The following SLC25A36 variants were observed in gnomAD, a reference collection of about 807,000 sequenced individuals.
SLC25A36 encodes epididymis secretory sperm binding protein.
SLC25A36 carries 24 observed loss-of-function variants against 35.3 expected under a neutral mutation model. The ratio of observed to expected loss-of-function variants is 0.68; its 90% CI spans 0.49 to 0.96. The LOEUF (loss-of-function observed/expected upper bound fraction) is 0.96, where lower values mean the gene tolerates loss of function less well. Among genes scored for constraint, SLC25A36 ranks in the 40% least tolerant of loss-of-function variants. SLC25A36 has a pLI of 0.00. For synonymous variants in SLC25A36, 141 were observed against 132.2 expected (o/e 1.07, Z -0.46); for missense variants, 294 against 381.1 (o/e 0.77, Z 1.90).
At chr3:140,956,744 C>T in intron 2 of SLC25A36, 53 bp downstream of exon 2, 1 of 1,489,770 alleles carries the variant, frequency 6.7e-7, no homozygotes, top group Non-Finnish European at 9.0e-7. Context: ...TTAGTGAGTT[C>T]CAGATGTTTG....
chr3:140,972,649 A>C (rs1934935964), intron 5 of SLC25A36: 1 of 152,056 alleles, frequency 6.6e-6, no homozygotes. Context: ...AAAATTAATA[A>C]AAAAATAAAA....
rs183844766 is a variant in SLC25A36 at position 140,979,231 on chromosome 3, G to C, written c.*2778G>C. 1 of 152,274 alleles carries C rather than the reference G, an allele frequency of 6.6e-6. No individual in the cohort carries two copies. Among genetic ancestry groups the C allele is most frequent in the East Asian group, 1.9e-4 (1 of 5,184 alleles). 9.4% of individuals were successfully genotyped at this position (152,274 alleles called of 1,614,324 possible). ...ATTATCTGTGAGATAGCATTACTAT[G>C]TTAGGACCAGCAGAGTTTGGGTTGG... On this transcript the variant is annotated 3_prime_UTR_variant, in exon 7 of 7. Coordinates refer to ENST00000324194, the MANE Select transcript of SLC25A36 (RefSeq NM_001104647.3).
At chr3:140,974,421 T>C (rs960307270) in intron 6 of SLC25A36, among the ~76,000 whole-genome samples, 4 of 152,164 alleles carry the variant, frequency 2.6e-5, no homozygotes, top group Admixed American at 2.0e-4. Context: ...AATTGAATAC[T>C]GAAAAGAAAT....
At position 140,973,948 on chromosome 3, in the gene SLC25A36, A is replaced by T. The variant is rs1934971997; in HGVS notation, c.685A>T (p.Met229Leu). ...GAAAGAAGCATCAGATTTTGTGGGAATGATGCTAGCTGCTGCCACCTCAAA... is the reference window on the plus strand; with the variant it reads ...GAAAGAAGCATCAGATTTTGTGGGATTGATGCTAGCTGCTGCCACCTCAAA... ...SVKEASDFVGMMLAAATSKTC... is the reference protein window; with the variant it reads ...SVKEASDFVGLMLAAATSKTC... The change falls in exon 6 of 7, where the codon ATG becomes TTG. Residue 229 changes from methionine to leucine, a missense_variant. By Grantham distance (15) the Met-to-Leu change is conservative (BLOSUM62 2). Coordinates refer to ENST00000324194, the MANE Select transcript of SLC25A36 (RefSeq NM_001104647.3). The T allele has an allele frequency of 2.5e-6, 4 of 1,605,232 alleles. No homozygotes were observed. The highest frequency in any genetic ancestry group is 3.4e-6 in the Non-Finnish European group (4 of 1,174,172).
Position 140,942,108 on chromosome 3 carries a change from C to T in SLC25A36, c.41+13C>T, listed in dbSNP as rs1478604796. On this transcript the variant is annotated intron_variant, in intron 1 of 6. Transcript: ENST00000324194. ...TGTTTGCCGGAGGGTAAGGTCCTGG[C>T]GGGGCGTGCGCACTGGGGCTGAGGG... 1.8e-5 allele frequency: 24 copies of T among 1,362,104 alleles called. No homozygotes were observed. The highest frequency in any genetic ancestry group is 2.4e-5 in the Non-Finnish European group (24 of 1,014,064). The allele number at this position is 1,362,104 out of a possible 1,614,324, so 84.4% of individuals were successfully genotyped here. A position where few individuals can be genotyped will look rare whatever the true frequency, so the allele number is the denominator to read the frequency against.
intron 6 of SLC25A36, among the ~76,000 whole-genome samples, chr3:140,974,348 A>T (rs923229929): frequency 2.6e-5 from 4 of 152,016 alleles, no homozygotes; most frequent in African/African-American, 9.7e-5. Flanking sequence ...CTACATAAAA[A>T]TTCTCTAAAG....
At chr3:140,947,118 G>A (rs1027297620) in intron 1 of SLC25A36, among the ~76,000 whole-genome samples, 15 of 152,200 alleles carry the variant, frequency 9.9e-5, no homozygotes, top group Non-Finnish European at 2.9e-5. Flanking sequence ...CTAGAAAGGA[G>A]TAAGTGATCA....
At chr3:140,969,306 A>G (rs1934842322) in intron 4 of SLC25A36, among the ~76,000 whole-genome samples, 1 of 151,846 alleles carries the variant, frequency 6.6e-6, no homozygotes, top group South Asian at 2.1e-4. Context: ...TATATGCATG[A>G]AAAGAACCTT....
chr3:140,942,866 A>C (rs996797998), intron 1 of SLC25A36: 1 of 152,238 alleles, frequency 6.6e-6, no homozygotes, highest in Non-Finnish European at 1.5e-5. Flanking sequence ...AAAGCTTTCC[A>C]GTACCTTTGG....
At chr3:140,944,931 A>C (rs1460426716) in intron 1 of SLC25A36, among the ~76,000 whole-genome samples, 1 of 152,120 alleles carries the variant, frequency 6.6e-6, no homozygotes, top group Non-Finnish European at 1.5e-5. Context: ...AATTAATGTG[A>C]TTTATTTCCG....
intron 5 of SLC25A36, 150 bp from the exon 6 acceptor site, chr3:140,973,566 A>G (rs993503998): frequency 8.0e-6 from 5 of 622,082 alleles, no homozygotes; most frequent in African/African-American, 7.5e-5. Flanking sequence ...GGACAAAAGA[A>G]TAGGAAATCT....
chr3:140,951,587 A>C (rs764590428), intron 1 of SLC25A36, among the ~76,000 whole-genome samples: 4 of 151,706 alleles, frequency 2.6e-5, no homozygotes, highest in Admixed American at 6.6e-5. Context: ...AGGTTCAAAC[A>C]GTCCTCCCAC....
chr3:140,945,803 T>C (rs537905787), intron 1 of SLC25A36, among the ~76,000 whole-genome samples: 2 of 152,078 alleles, frequency 1.3e-5, no homozygotes, highest in East Asian at 3.9e-4. Context: ...ATACTAATTT[T>C]ATTAAATCAC....
chr3:140,975,236 T>C (rs1057146925), intron 6 of SLC25A36, among the ~76,000 whole-genome samples: 7 of 147,830 alleles, frequency 4.7e-5, no homozygotes, highest in Non-Finnish European at 7.4e-5. Context: ...GCCTCCCAAG[T>C]AGCTGGGACT....
Position 140,942,030 on chromosome 3 carries a change from G to T in SLC25A36, c.-25G>T. On this transcript the variant is annotated 5_prime_UTR_variant, in exon 1 of 7. Coordinates refer to ENST00000324194, the MANE Select transcript of SLC25A36 (RefSeq NM_001104647.3). ...GGCCAGATCCGCGTCCCGCCTCAGC[G>T]GCCGGAGGACATGCGGGAGAGAGAA... The T allele has an allele frequency of 7.1e-7, 1 of 1,406,794 alleles. No individual in the cohort carries two copies. The highest frequency in any genetic ancestry group is 9.7e-7 in the Non-Finnish European group (1 of 1,027,350). 87.1% of individuals were successfully genotyped at this position (1,406,794 alleles called of 1,614,324 possible).
intron 1 of SLC25A36, among the ~76,000 whole-genome samples, chr3:140,945,739 T>TAA (rs59896675): frequency 5.4e-4 from 69 of 127,786 alleles, no homozygotes; most frequent in East Asian, 2.2e-3. Context: ...TACTTGCAAT[T>TAA]AAAAAAAAAA....
At chr3:140,956,775 T>A in intron 2 of SLC25A36, 84 bp downstream of exon 2, 2 of 1,450,066 alleles carry the variant, frequency 1.4e-6, no homozygotes, top group Middle Eastern at 1.9e-4. Context: ...TTCTGCCACA[T>A]TGAAAATGAT....
intron 4 of SLC25A36, among the ~76,000 whole-genome samples, chr3:140,967,710 G>T (rs1201771234): frequency 2.0e-5 from 3 of 151,822 alleles, no homozygotes; most frequent in Non-Finnish European, 4.4e-5. Context: ...CTATCAAATG[G>T]AATCTTACTT....
At chr3:140,957,952 T>C (rs1246050475) in intron 2 of SLC25A36, among the ~76,000 whole-genome samples, 1 of 152,214 alleles carries the variant, frequency 6.6e-6, no homozygotes, top group Non-Finnish European at 1.5e-5. Flanking sequence ...GGCTGTGTTT[T>C]AGTTCCGAAG....
Sources: gnomAD v4.1 joint callset for allele counts (sites outside exome capture counted in the v4.1 genomes callset) on GRCh38, gnomAD v4.1.1 for gene constraint, MANE v1.5 for transcripts, NCBI Gene and HGNC (gene_info 2026-07-23, HGNC 2026-07-21) for gene names.